The following ABCA4 variants were observed in gnomAD, a reference collection of about 807,000 sequenced individuals.
The protein encoded by ABCA4 is retinal-specific phospholipid-transporting ATPase ABCA4.
In ABCA4, 196 loss-of-function variants were observed where a neutral mutation model predicts 263.7. The ratio of observed to expected loss-of-function variants is 0.74; its 90% CI spans 0.66 to 0.84. ABCA4 has a LOEUF of 0.84. ABCA4 is among the 40% of genes least tolerant of loss of function. The probability of loss-of-function intolerance (pLI) is 0.00; values close to 1 mark genes in which losing one functional copy is unlikely to be tolerated. For missense variants in ABCA4, 2,792 were observed against 2,855.1 expected (o/e 0.98, Z 0.50); for synonymous variants, 1,133 against 1,094.2 (o/e 1.04, Z -0.70).
intron 29 of ABCA4, among the ~76,000 whole-genome samples, chr1:94,029,985 A>G (rs1032026622): frequency 6.6e-6 from 1 of 152,206 alleles, no homozygotes; most frequent in African/African-American, 2.4e-5. Flanking sequence ...AGTTAAAATT[A>G]TATTGAACTT....
At chr1:94,103,274 AG>A in intron 4 of ABCA4, 132 bp from the exon 5 acceptor site, 1 of 1,165,070 alleles carries the variant, frequency 8.6e-7, no homozygotes, top group Non-Finnish European at 1.3e-6. Flanking sequence ...GGTCTCTGGG[AG>A]CCCCTAGAGG....
At chr1:94,044,865 A>C in intron 19 of ABCA4, 121 bp from the exon 20 acceptor site, 1 of 1,507,950 alleles carries the variant, frequency 6.6e-7, no homozygotes, top group Admixed American at 1.7e-5. Flanking sequence ...CTGTCAGTCA[A>C]ACTCAAACCC....
At chr1:94,038,853 C>T (rs1660413973) in intron 24 of ABCA4, among the ~76,000 whole-genome samples, 1 of 152,048 alleles carries the variant, frequency 6.6e-6, no homozygotes, top group Non-Finnish European at 1.5e-5. Flanking sequence ...TTTCAAGGAG[C>T]TAACTGGGGA....
chr1:93,998,031 G>T lies in ABCA4; in HGVS notation c.6559C>A (p.Gln2187Lys). Residue 2187 changes from glutamine to lysine, a missense_variant, in exon 48 of 50, where the codon CAG (glutamine) becomes AAG (lysine). Transcript: ENST00000370225. ...DLLPDLNPVE[Q>K]FFQGNFPGSV... ...CCTGGGAAGTTCCCCTGGAAGAACTGCTCCACAGGGTTCAGGTCAGGAAGC... is the reference window on the plus strand; with the variant it reads ...CCTGGGAAGTTCCCCTGGAAGAACTTCTCCACAGGGTTCAGGTCAGGAAGC... 1 of 1,614,190 alleles carries T rather than the reference G, an allele frequency of 6.2e-7. No homozygotes were observed. The highest frequency in any genetic ancestry group is 8.5e-7 in the Non-Finnish European group (1 of 1,180,028).
intron 1 of ABCA4, among the ~76,000 whole-genome samples, chr1:94,118,866 C>T (rs765340950): frequency 6.6e-6 from 1 of 152,232 alleles, no homozygotes; most frequent in Non-Finnish European, 1.5e-5. Context: ...TATTCTCTGT[C>T]ACAGCGACAT....
rs1049287521 is a variant in ABCA4 at position 93,997,788 on chromosome 1, T to C, written c.6729+73A>G. Reference sequence around the variant, plus strand: ...TCGGGAATGTTATGCCTCCCTCTTATGGCAATTCCAACCCACACTGGGTGT... The same window carrying C: ...TCGGGAATGTTATGCCTCCCTCTTACGGCAATTCCAACCCACACTGGGTGT... On this transcript the variant is annotated intron_variant, in intron 48 of 49. Coordinates refer to ENST00000370225, the MANE Select transcript of ABCA4 (RefSeq NM_000350.3). The C allele has an allele frequency of 3.1e-6, 5 of 1,599,460 alleles. No individual in the cohort carries two copies. In the African/African-American group the frequency reaches 4.0e-5, roughly 13 times the overall value.
rs10874827 is a variant in ABCA4, at chr1:93,998,239, C to G, written c.6480-129G>C. On this transcript the variant is annotated intron_variant, in intron 47 of 49. Transcript: ENST00000370225. ...AGCTTGGTGGCTCACACCTGAAATC[C>G]CAGCAATTTGGGAGGTAGAGGTGGG... The G allele has an allele frequency of 0.073, 94,765 of 1,291,102 alleles. 5,562 individuals carry two copies. Among genetic ancestry groups the G allele is most frequent in the African/African-American group, 0.3 (20,289 of 68,088 alleles). 80.0% of individuals were successfully genotyped at this position (1,291,102 alleles called of 1,614,324 possible). A position where few individuals can be genotyped will look rare whatever the true frequency, so the allele number is the denominator to read the frequency against.
intron 6 of ABCA4, among the ~76,000 whole-genome samples, chr1:94,098,370 G>A (rs760639688): frequency 9.2e-5 from 14 of 152,160 alleles, no homozygotes; most frequent in Admixed American, 2.6e-4. Context: ...TACTTTTCTT[G>A]TATAATTCCT....
chr1:94,036,321 A>G (rs1161528442), intron 26 of ABCA4, among the ~76,000 whole-genome samples: 1 of 150,482 alleles, frequency 6.6e-6, no homozygotes, highest in Admixed American at 6.7e-5. Flanking sequence ...ACTACTGGGG[A>G]GTCAGATACT....
chr1:94,077,996 G>A (rs886559191), intron 10 of ABCA4, 109 bp from the exon 11 acceptor site: 3 of 1,106,036 alleles, frequency 2.7e-6, no homozygotes, highest in Admixed American at 1.8e-5. Context: ...GAGATGCTAA[G>A]GCTCCCTGAA....
At chr1:94,011,406 T>C (rs765679245) in intron 38 of ABCA4, 21 bp from the exon 39 acceptor site, 138 of 1,611,010 alleles carry the variant, frequency 8.6e-5, no homozygotes, top group Non-Finnish European at 1.1e-4. Context: ...GAAGTAGGAC[T>C]GTTGGAAACG....
intron 48 of ABCA4, among the ~76,000 whole-genome samples, chr1:93,996,787 G>T (rs1196895350): frequency 6.6e-6 from 1 of 152,130 alleles, no homozygotes; most frequent in African/African-American, 2.4e-5. Context: ...TACGTACAAA[G>T]GAATATTATT....
In ABCA4 at chr1:94,080,398, T is replaced by C. The variant is rs75926906; in HGVS notation, c.1099+80A>G. On this transcript the variant is annotated intron_variant, in intron 8 of 49. Coordinates refer to ENST00000370225, the MANE Select transcript of ABCA4 (RefSeq NM_000350.3). The stretch of plus-strand genomic sequence containing the variant: ...AGACAAGACAGATGCAACCCCAGGT[T>C]TGGTTTCACCTAGAAGTGTTAAACC... The C allele has an allele frequency of 1.5e-3, 2,343 of 1,582,466 alleles. 37 individuals carry two copies. The African/African-American group carries it at 0.029, about 20-fold the overall frequency.
chr1:94,043,472 G>T lies in ABCA4; in HGVS notation c.3054C>A (p.Leu1018=). 2 of 1,614,178 alleles carry T rather than the reference G, an allele frequency of 1.2e-6. No homozygotes were observed. Among genetic ancestry groups the T allele is most frequent in the Non-Finnish European group, 1.7e-6 (2 of 1,180,038 alleles). Residue 1018 remains leucine, a synonymous_variant, in exon 21 of 50, where the codon CTC becomes CTA. Coordinates refer to ENST00000370225, the MANE Select transcript of ABCA4 (RefSeq NM_000350.3). ...AGAACAGCATGTGCTCAGCCACCGT[G>T]AGGCTAGGAGGATGGGACAACGAGA... The part of the protein sequence containing the change: ...CPQHNILFHH[L]TVAEHMLFYA...
At chr1:94,001,651 G>A (rs1285445287) in intron 45 of ABCA4, 1 of 765,344 alleles carries the variant, frequency 1.3e-6, no homozygotes, top group Non-Finnish European at 2.2e-6. Context: ...GCAGTCCCAA[G>A]TCAAGGCTGT....
intron 3 of ABCA4, among the ~76,000 whole-genome samples, chr1:94,109,799 G>C (rs1461085535): frequency 6.6e-6 from 1 of 152,110 alleles, no homozygotes; most frequent in Non-Finnish European, 1.5e-5. Context: ...TTCCTTCTGG[G>C]GTTTAAGATT....
chr1:94,029,541 C>CT lies in ABCA4; in HGVS notation c.4442dup (p.Val1482GlyfsTer73), dbSNP rs1311903227. 1 of 1,612,988 alleles carries CT rather than the reference C, an allele frequency of 6.2e-7. No homozygotes were observed. On this transcript the variant is annotated frameshift_variant, in exon 30 of 50. Transcript: ENST00000370225. LOFTEE classifies it high-confidence loss of function. ...ACCTGCAGGATGGTGAAGGGTTGACCTGTGTCCATTTCTGCTTCTGGAACA... is the reference window on the plus strand; with the variant it reads ...ACCTGCAGGATGGTGAAGGGTTGACCTTGTGTCCATTTCTGCTTCTGGAACA...
intron 27 of ABCA4, 102 bp from the exon 28 acceptor site, chr1:94,031,222 C>T: frequency 2.0e-6 from 3 of 1,489,884 alleles, no homozygotes; most frequent in Non-Finnish European, 2.8e-6. Context: ...ATCCTGCAGC[C>T]TCCTAATCAG....
intron 30 of ABCA4, among the ~76,000 whole-genome samples, chr1:94,029,188 TA>T (rs1208175658): frequency 2.6e-5 from 4 of 152,202 alleles, no homozygotes; most frequent in Admixed American, 2.6e-4. Context: ...TTTTAGTGCT[TA>T]AACACATTTT....
Sources: gnomAD v4.1 joint callset for allele counts (sites outside exome capture counted in the v4.1 genomes callset) on GRCh38, gnomAD v4.1.1 for gene constraint, MANE v1.5 for transcripts, NCBI Gene and HGNC (gene_info 2026-07-23, HGNC 2026-07-21) for gene names.